CHCHD6: variants seen among roughly 807,000 people sequenced by gnomAD.
The protein encoded by CHCHD6 is MICOS complex subunit MIC25.
A neutral mutation model predicts 32.3 loss-of-function variants in CHCHD6; 28 were observed. The ratio of observed to expected loss-of-function variants is 0.87; its 90% CI spans 0.64 to 1.19. CHCHD6 has a LOEUF of 1.19. CHCHD6 is among the 50% of genes most tolerant of loss of function. The probability of loss-of-function intolerance (pLI) is 0.00; values close to 1 mark genes in which losing one functional copy is unlikely to be tolerated. For synonymous variants in CHCHD6, 122 were observed against 117.5 expected, an observed-to-expected ratio of 1.04 and a Z score of -0.25; for missense variants, 333 against 307.0, an observed-to-expected ratio of 1.08 and a Z score of -0.63.
chr3:126,875,449 G>T (rs771702033), intron 5 of CHCHD6, among the ~76,000 whole-genome samples: 6 of 152,254 alleles, frequency 3.9e-5, no homozygotes, highest in Non-Finnish European at 7.3e-5. Context: ...AGGTGCTGGC[G>T]CACTGCTCTC....
chr3:126,833,271 T>C (rs1940714353), intron 4 of CHCHD6, among the ~76,000 whole-genome samples: 1 of 152,174 alleles, frequency 6.6e-6, no homozygotes, highest in South Asian at 2.1e-4. Flanking sequence ...TGGGGGTACA[T>C]TTCATATACT....
At position 126,900,004 on chromosome 3, in the gene CHCHD6, A is replaced by G. The variant is rs183651682; in HGVS notation, c.496-14676A>G. Among the ~76,000 whole-genome samples the G allele has an allele frequency of 7.2e-4, 110 of 152,314 alleles. 1 individual carries two copies. The highest frequency in any genetic ancestry group is 3.4e-3 in the Middle Eastern group (1 of 294). Reference sequence around the variant, plus strand: ...TCCTGATTGTCACAGTGATAAGTCAATCTCCCACAATCTCACCAGATCTTA... The same window carrying G: ...TCCTGATTGTCACAGTGATAAGTCAGTCTCCCACAATCTCACCAGATCTTA... On this transcript the variant is annotated intron_variant, in intron 5 of 7. Transcript: ENST00000290913.
intron 4 of CHCHD6, among the ~76,000 whole-genome samples, chr3:126,777,096 T>C (rs1190917912): frequency 1.3e-5 from 2 of 152,224 alleles, no homozygotes; most frequent in East Asian, 3.8e-4. Context: ...TCTCGTCCCA[T>C]GCTACTCTGC....
intron 4 of CHCHD6, among the ~76,000 whole-genome samples, chr3:126,827,751 G>A (rs2107540002): frequency 6.6e-6 from 1 of 152,316 alleles, no homozygotes; most frequent in Admixed American, 6.5e-5. Context: ...TGGTTGTGCT[G>A]TTAATTGAGC....
chr3:126,905,588 C>T (rs1328843030), intron 5 of CHCHD6, among the ~76,000 whole-genome samples: 1 of 152,046 alleles, frequency 6.6e-6, no homozygotes, highest in Non-Finnish European at 1.5e-5. Context: ...TGCAAGTTCT[C>T]AGCTGAGAGC....
At chr3:126,738,308 G>A (rs770814337) in intron 4 of CHCHD6, among the ~76,000 whole-genome samples, 1 of 152,168 alleles carries the variant, frequency 6.6e-6, no homozygotes, top group South Asian at 2.1e-4. Flanking sequence ...TATGTAAGAG[G>A]CTTGAGCATC....
chr3:126,853,403 T>A (rs538494638), intron 5 of CHCHD6, among the ~76,000 whole-genome samples: 2 of 152,154 alleles, frequency 1.3e-5, no homozygotes, highest in Admixed American at 6.5e-5. Flanking sequence ...TAAAAAAAAA[T>A]TGTTCCCCCT....
chr3:126,941,563 G>A (rs1339172501), intron 6 of CHCHD6, among the ~76,000 whole-genome samples: 19 of 151,874 alleles, frequency 1.3e-4, no homozygotes, highest in Non-Finnish European at 1.3e-4. Context: ...CTCTTTTTTT[G>A]GGGGATAAGT....
intron 4 of CHCHD6, among the ~76,000 whole-genome samples, chr3:126,751,524 A>AAG (rs991058323): frequency 2.7e-5 from 4 of 146,520 alleles, no homozygotes; most frequent in African/African-American, 1.0e-4. Flanking sequence ...AAAAAAAAAA[A>AAG]GCGCCTGCAT....
At chr3:126,853,427 G>A (rs1007679733) in intron 5 of CHCHD6, among the ~76,000 whole-genome samples, 1 of 152,164 alleles carries the variant, frequency 6.6e-6, no homozygotes, top group Non-Finnish European at 1.5e-5. Flanking sequence ...GCCTGAGACA[G>A]CATGCCAAGC....
intron 6 of CHCHD6, chr3:126,957,161 C>T (rs9814361): frequency 0.012 from 6,933 of 555,996 alleles, 374 homozygotes; most frequent in African/African-American, 0.12. Flanking sequence ...CGGTGTGGAG[C>T]CCCATACCAC....
chr3:126,889,984 G>T (rs890115327), intron 5 of CHCHD6, among the ~76,000 whole-genome samples: 1 of 121,074 alleles, frequency 8.3e-6, no homozygotes, highest in East Asian at 2.2e-4. Flanking sequence ...CAGCGTTGAC[G>T]GGCTTTGTCC....
intron 4 of CHCHD6, among the ~76,000 whole-genome samples, chr3:126,807,030 A>G (rs1040301790): frequency 1.9e-4 from 23 of 119,552 alleles, no homozygotes; most frequent in African/African-American, 7.2e-4. Flanking sequence ...GGGGAACATC[A>G]CACTCTGGGG....
intron 6 of CHCHD6, among the ~76,000 whole-genome samples, chr3:126,923,173 A>G (rs1011519688): frequency 6.6e-6 from 1 of 152,212 alleles, no homozygotes; most frequent in Non-Finnish European, 1.5e-5. Flanking sequence ...CCTGGGCCAG[A>G]TGATTTCTGA....
chr3:126,811,389 A>T (rs1939648129), intron 4 of CHCHD6, among the ~76,000 whole-genome samples: 1 of 152,178 alleles, frequency 6.6e-6, no homozygotes, highest in Admixed American at 6.5e-5. Flanking sequence ...TTTCTAAGTG[A>T]GAAATCCAGG....
At chr3:126,819,374 G>A (rs1940056775) in intron 4 of CHCHD6, among the ~76,000 whole-genome samples, 1 of 152,188 alleles carries the variant, frequency 6.6e-6, no homozygotes, top group African/African-American at 2.4e-5. Flanking sequence ...TGCCAGCCAG[G>A]TTTCTGGATG....
chr3:126,955,970 G>A (rs994749507), intron 6 of CHCHD6, among the ~76,000 whole-genome samples: 2 of 152,212 alleles, frequency 1.3e-5, no homozygotes, highest in African/African-American at 4.8e-5. Context: ...AGTCAGCAGT[G>A]TACAGAAGTG....
At chr3:126,937,729 G>A (rs1394617618) in intron 6 of CHCHD6, among the ~76,000 whole-genome samples, 4 of 152,214 alleles carry the variant, frequency 2.6e-5, no homozygotes, top group Non-Finnish European at 5.9e-5. Context: ...CATGCTGGGT[G>A]GCTCTGTAGG....
intron 5 of CHCHD6, among the ~76,000 whole-genome samples, chr3:126,901,784 G>A (rs1170532456): frequency 3.9e-5 from 6 of 152,222 alleles, no homozygotes; most frequent in South Asian, 2.1e-4. Context: ...ACTCAACAGC[G>A]TCATGATAAC....
Sources: allele counts gnomAD v4.1 joint callset (sites outside exome capture counted in the v4.1 genomes callset), GRCh38; gene constraint gnomAD v4.1.1; transcripts MANE v1.5; gene names NCBI Gene and HGNC (gene_info 2026-07-23, HGNC 2026-07-21).